GALK2: variants seen among roughly 807,000 people sequenced by gnomAD.
GALK2 encodes N-acetylgalactosamine kinase.
GALK2 carries 36 observed loss-of-function variants against 52.4 expected under a neutral mutation model. The observed-to-expected ratio is 0.69, with a 90% CI of 0.53 to 0.91. GALK2 has a LOEUF of 0.91. Ranked by LOEUF, GALK2 falls within the 40% of genes least tolerant of loss-of-function variation. The pLI is 0.00. For synonymous variants in GALK2, 176 were observed against 199.1 expected (o/e 0.88, Z 0.98); for missense variants, 579 against 559.1 (o/e 1.04, Z -0.36).
rs71120671 is a variant in GALK2, at chr15:49,178,195, CTATATA to C, written c.53+7847_53+7852del. Among the ~76,000 whole-genome samples, 189 of 50,526 alleles carry C rather than the reference CTATATA, an allele frequency of 3.7e-3. 5 individuals carry two copies. The highest frequency in any genetic ancestry group is 5.2e-3 in the Non-Finnish European group (150 of 28,836). 33.1% of individuals were successfully genotyped at this position (50,526 alleles called of 152,430 possible). ...AAAAAAAAAAAAAAAAAAAGAAATA[CTATATA>C]TATATATATATATATATATATATAT... On this transcript the variant is annotated intron_variant, in intron 1 of 9. Transcript: ENST00000560031.
intron 1 of GALK2, among the ~76,000 whole-genome samples, chr15:49,181,952 G>A (rs1385590565): frequency 6.6e-6 from 1 of 151,858 alleles, no homozygotes; most frequent in Non-Finnish European, 1.5e-5. Flanking sequence ...AGGGTAAATA[G>A]GGTATGCATC....
chr15:49,216,290 A>G (rs2141377590), intron 2 of GALK2, among the ~76,000 whole-genome samples: 1 of 152,322 alleles, frequency 6.6e-6, no homozygotes, highest in Admixed American at 6.5e-5. Flanking sequence ...TCTTCAGGGC[A>G]GTGGATTCCC....
chr15:49,327,839 C>T, intron 9 of GALK2, 113 bp from the exon 10 acceptor site: 1 of 951,914 alleles, frequency 1.1e-6, no homozygotes, highest in Non-Finnish European at 1.5e-6. Flanking sequence ...ACCTAAAAAC[C>T]CCGCATGTAT....
chr15:49,327,234 T>TCAA (rs987876260), intron 9 of GALK2: 3 of 152,244 alleles, frequency 2.0e-5, no homozygotes, highest in Non-Finnish European at 4.4e-5. Context: ...TCATCTGATG[T>TCAA]CAACTTCTGA....
chr15:49,247,714 G>T (rs1360138686), intron 5 of GALK2, among the ~76,000 whole-genome samples: 1 of 152,216 alleles, frequency 6.6e-6, no homozygotes, highest in Non-Finnish European at 1.5e-5. Flanking sequence ...GGGCCCAAGG[G>T]CATTTCAGGC....
At chr15:49,238,053 GA>G in intron 4 of GALK2, among the ~76,000 whole-genome samples, 1 of 152,008 alleles carries the variant, frequency 6.6e-6, no homozygotes, top group Non-Finnish European at 1.5e-5. Flanking sequence ...AAAAATTAAG[GA>G]AAAAGGTCTT....
At chr15:49,265,297 G>A (rs1440023079) in intron 5 of GALK2, among the ~76,000 whole-genome samples, 1 of 152,218 alleles carries the variant, frequency 6.6e-6, no homozygotes, top group African/African-American at 2.4e-5. Flanking sequence ...CCCCCAGCCT[G>A]GCTGCCGCCT....
intron 2 of GALK2, 39 bp from the exon 3 acceptor site, chr15:49,217,151 A>G (rs2089444805): frequency 1.3e-6 from 2 of 1,568,450 alleles, no homozygotes; most frequent in Non-Finnish European, 1.7e-6. Flanking sequence ...TTTGTTTTAT[A>G]TATTAGCAAT....
At position 49,329,718 on chromosome 15, in the gene GALK2, T is replaced by G. The variant is rs1027960305; in HGVS notation, c.*1559T>G. 6.2e-6 allele frequency: 6 copies of G among 972,100 alleles called. No individual in the cohort carries two copies. In the Admixed American group the frequency reaches 3.1e-4, roughly 50 times the overall value. 60.2% of individuals were successfully genotyped at this position (972,100 alleles called of 1,614,324 possible). On this transcript the variant is annotated 3_prime_UTR_variant, in exon 10 of 10. Coordinates refer to ENST00000560031, the MANE Select transcript of GALK2 (RefSeq NM_002044.4). ...ATCTGAAACCTGAATTTATTTAAATTTATAATCCTTTATTTTTTAATACCG... is the reference window on the plus strand; with the variant it reads ...ATCTGAAACCTGAATTTATTTAAATGTATAATCCTTTATTTTTTAATACCG...
intron 1 of GALK2, among the ~76,000 whole-genome samples, chr15:49,198,713 AC>A (rs200756947): frequency 0.061 from 9,053 of 148,656 alleles, 530 homozygotes; most frequent in African/African-American, 0.15. Context: ...CCTACACTTC[AC>A]CTTTTTTTAA....
At chr15:49,332,580 C>T (rs2038990303), downstream of GALK2, among the ~76,000 whole-genome samples, 1 of 152,056 alleles carries the variant, frequency 6.6e-6, no homozygotes, top group South Asian at 2.1e-4. Flanking sequence ...AGGATAGAAA[C>T]TTGAGAGAAG....
chr15:49,203,674 C>T (rs1440734066), intron 2 of GALK2, among the ~76,000 whole-genome samples: 3 of 152,090 alleles, frequency 2.0e-5, no homozygotes, highest in African/African-American at 7.2e-5. Context: ...ATGTTTAAGT[C>T]TTTAATCCAT....
chr15:49,366,495 A>G (rs911027693), intron 3 of GALK2: 1 of 1,233,864 alleles, frequency 8.1e-7, no homozygotes, highest in African/African-American at 1.5e-5. Context: ...AGATTCATCA[A>G]ACTAATGGAA....
chr15:49,246,766 T>C (rs1379508925), intron 5 of GALK2, among the ~76,000 whole-genome samples: 2 of 152,148 alleles, frequency 1.3e-5, no homozygotes, highest in Non-Finnish European at 2.9e-5. Context: ...ATAACATGTA[T>C]AATACTGGAT....
At chr15:49,366,519 G>C in intron 3 of GALK2, 1 of 1,447,550 alleles carries the variant, frequency 6.9e-7, no homozygotes, top group African/African-American at 1.4e-5. Flanking sequence ...GCATTTTCTA[G>C]GGTACTTGGA....
In GALK2 at chr15:49,250,600, A is replaced by C. The variant is rs576893866; in HGVS notation, c.504+11233A>C. On this transcript the variant is annotated intron_variant, in intron 5 of 9. Coordinates refer to ENST00000560031, the MANE Select transcript of GALK2 (RefSeq NM_002044.4). ...ATTCCAGCTCACATATTTTTGATCC[A>C]AAATGGATACTTTTCTATTCAGCCA... 5.9e-5 allele frequency among the ~76,000 whole-genome samples: 9 copies of C among 152,270 alleles called. 1 individual carries two copies. Among genetic ancestry groups the C allele is most frequent in the African/African-American group, 2.2e-4 (9 of 41,566 alleles).
At chr15:49,172,382 T>A (rs2085163424) in intron 1 of GALK2, among the ~76,000 whole-genome samples, 1 of 152,250 alleles carries the variant, frequency 6.6e-6, no homozygotes, top group African/African-American at 2.4e-5. Flanking sequence ...GTTTTTCATT[T>A]GTGCACAAAA....
chr15:49,203,746 A>T (rs898953627), intron 2 of GALK2, among the ~76,000 whole-genome samples: 5 of 152,120 alleles, frequency 3.3e-5, no homozygotes, highest in Admixed American at 2.6e-4. Flanking sequence ...TTGCATATGG[A>T]TATCTAGTTT....
chr15:49,179,652 C>CTTTTTTTTTTTTT (rs71875041), intron 1 of GALK2, among the ~76,000 whole-genome samples: 1 of 138,180 alleles, frequency 7.2e-6, no homozygotes, highest in Non-Finnish European at 1.6e-5. Flanking sequence ...TTGTTTCTTT[C>CTTTTTTTTTTTTT]TTTTTTTTTT....
Sources: allele counts gnomAD v4.1 joint callset (sites outside exome capture counted in the v4.1 genomes callset), GRCh38; gene constraint gnomAD v4.1.1; transcripts MANE v1.5; gene names NCBI Gene and HGNC (gene_info 2026-07-23, HGNC 2026-07-21).